ZNF577: variants seen among roughly 807,000 people sequenced by gnomAD.
ZNF577 encodes zinc finger protein 577.
ZNF577 carries 14 observed loss-of-function variants against 13.9 expected under a neutral mutation model. The observed-to-expected ratio is 1.00, with a 90% CI of 0.66 to 1.57. ZNF577 has a LOEUF of 1.57. Among genes scored for constraint, ZNF577 ranks in the 40% most tolerant of loss-of-function variants. The probability of loss-of-function intolerance (pLI) is 0.00; values close to 1 mark genes in which losing one functional copy is unlikely to be tolerated. For missense variants in ZNF577, 555 were observed against 579.2 expected, an observed-to-expected ratio of 0.96 and a Z score of 0.43; for synonymous variants, 203 against 202.9, an observed-to-expected ratio of 1.00 and a Z score of 0.00.
rs1200927170 is a variant in ZNF577, at chr19:51,870,284, T to TA, written c.*2247dup. Among the ~76,000 whole-genome samples, 1 of 152,234 alleles carries TA rather than the reference T, an allele frequency of 6.6e-6. No individual in the cohort carries two copies. Among genetic ancestry groups the TA allele is most frequent in the Non-Finnish European group, 1.5e-5 (1 of 68,030 alleles). ...TTTCCTGCTTCTTTGCACACCTGGGTAAGTTTGTATTGGATGCCAGACATG... is the reference window on the plus strand; with the variant it reads ...TTTCCTGCTTCTTTGCACACCTGGGTAAAGTTTGTATTGGATGCCAGACATG... On this transcript the variant is annotated 3_prime_UTR_variant, in exon 6 of 6. Transcript: ENST00000638348.
At chr19:51,834,056 T>C (rs1436116987) in intron 9 of ZNF577, among the ~76,000 whole-genome samples, 2 of 123,338 alleles carry the variant, frequency 1.6e-5, no homozygotes, top group African/African-American at 6.1e-5. Flanking sequence ...AAACACACAA[T>C]AGATTTTTTT....
At chr19:51,821,637 T>A (rs2084190152) in intron 9 of ZNF577, among the ~76,000 whole-genome samples, 1 of 152,096 alleles carries the variant, frequency 6.6e-6, no homozygotes, top group East Asian at 1.9e-4. Flanking sequence ...ACCATGATAC[T>A]AGGGTATGAC....
Position 51,824,380 on chromosome 19 carries a change from G to A in ZNF577, c.*600-12706C>T. 1 of 1,614,106 alleles carries A rather than the reference G, an allele frequency of 6.2e-7. No homozygotes were observed. The highest frequency in any genetic ancestry group is 8.5e-7 in the Non-Finnish European group (1 of 1,180,014). ...ATCCTCCACTTCATTATTGGCTTCA[G>A]CGTGCCTATGTCCATCATCACAGTC... On this transcript the variant is annotated intron_variant and NMD_transcript_variant, in intron 9 of 10. Coordinates refer to the ZNF577 transcript ENST00000638827. The surrounding 1 kb of genome is among the most constrained non-coding windows in gnomAD (Gnocchi z 4.7).
chr19:51,872,261 C>T lies in ZNF577; in HGVS notation c.*271G>A, dbSNP rs6509586. 23,667 of 289,506 alleles carry T rather than the reference C, an allele frequency of 0.082. 2,411 individuals are homozygous for T. The highest frequency in any genetic ancestry group is 0.27 in the African/African-American group (12,328 of 45,354). The allele number at this position is 289,506 out of a possible 1,614,324, so 17.9% of individuals were successfully genotyped here. On this transcript the variant is annotated 3_prime_UTR_variant, in exon 6 of 6. Coordinates refer to ENST00000638348, the MANE Select transcript of ZNF577 (RefSeq NM_001370449.1). ...CTTTGGCACACGAGGCACAATTTAG[C>T]GCTAAAAGCACCATCACAATCTTTC...
intron 9 of ZNF577, among the ~76,000 whole-genome samples, chr19:51,821,143 A>C (rs1339242382): frequency 6.6e-6 from 1 of 152,186 alleles, no homozygotes; most frequent in African/African-American, 2.4e-5. Context: ...GTCCAGTCTC[A>C]CTTAATCCTC....
rs2084634784 is a variant in ZNF577 at position 51,870,052 on chromosome 19, A to C, written c.*2480T>G. Among the ~76,000 whole-genome samples the C allele has an allele frequency of 6.6e-6, 1 of 152,190 alleles. No homozygotes were observed. ...TTCTGGTCCCTCCCTGGGAGGATTA[A>C]CATCCTAGGGGCATTGGGTCCAGTG... On this transcript the variant is annotated 3_prime_UTR_variant, in exon 6 of 6. Transcript: ENST00000638348.
chr19:51,822,241 T>A (rs1359031338), intron 9 of ZNF577, among the ~76,000 whole-genome samples: 2 of 152,214 alleles, frequency 1.3e-5, no homozygotes, highest in African/African-American at 4.8e-5. Context: ...CCTCCCATAG[T>A]GTTATTGCCC....
chr19:51,874,723 A>C (rs1367566098), intron 5 of ZNF577, among the ~76,000 whole-genome samples: 1 of 152,220 alleles, frequency 6.6e-6, no homozygotes, highest in Non-Finnish European at 1.5e-5. Context: ...TCCTATGGAG[A>C]ATGAATTGAA....
chr19:51,827,078 T>A (rs1358720667), intron 9 of ZNF577, among the ~76,000 whole-genome samples: 1 of 152,194 alleles, frequency 6.6e-6, no homozygotes, highest in Non-Finnish European at 1.5e-5. Context: ...TTATAGAAAC[T>A]ATAATCCTAC....
chr19:51,866,008 A>G (rs1033726525), downstream of ZNF577, among the ~76,000 whole-genome samples: 1 of 151,968 alleles, frequency 6.6e-6, no homozygotes, highest in Admixed American at 6.6e-5. Flanking sequence ...CCAGCTACTC[A>G]GAAGGCTGAG....
At position 51,876,926 on chromosome 19, in the gene ZNF577, CAA is replaced by C. The variant is rs536127907; in HGVS notation, c.283+354_283+355del. ...CCAGCCACAGTGCGAGACTCCGTCT[CAA>C]AAAAAAAAAAAAAAAGGCAACATAA... On this transcript the variant is annotated intron_variant, in intron 5 of 5. Coordinates refer to ENST00000638348, the MANE Select transcript of ZNF577 (RefSeq NM_001370449.1). Among the ~76,000 whole-genome samples the C allele has an allele frequency of 8.9e-3, 539 of 60,842 alleles. 3 individuals are homozygous for C. Among genetic ancestry groups the C allele is most frequent in the African/African-American group, 0.026 (507 of 19,382 alleles). The allele number at this position is 60,842 out of a possible 152,430, so 39.9% of individuals were successfully genotyped here.
rs532472803 is a variant in ZNF577 at position 51,827,335 on chromosome 19, T to G, written c.*599+12558A>C. ...GTTAGATTTCTCTCACTGTCAAAAT[T>G]TTTGCAAATGTGGTTTCACTTATTG... On this transcript the variant is annotated intron_variant and NMD_transcript_variant, in intron 9 of 10. Coordinates refer to the ZNF577 transcript ENST00000638827. Among the ~76,000 whole-genome samples the G allele has an allele frequency of 3.3e-5, 5 of 152,250 alleles. No homozygotes were observed. The South Asian group carries it at 1.0e-3, about 32-fold the overall frequency.
chr19:51,865,161 A>G (rs1323573636), downstream of ZNF577, among the ~76,000 whole-genome samples: 1 of 152,090 alleles, frequency 6.6e-6, no homozygotes, highest in African/African-American at 2.4e-5. Context: ...CAATGGCGCA[A>G]TCTCAGCTCA....
chr19:51,837,629 A>G lies in ZNF577; in HGVS notation c.*599+2264T>C, dbSNP rs149454563. Among the ~76,000 whole-genome samples, 998 of 152,272 alleles carry G rather than the reference A, an allele frequency of 6.6e-3. 6 individuals are homozygous for G. Among genetic ancestry groups the G allele is most frequent in the Non-Finnish European group, 9.6e-3 (651 of 68,012 alleles). ...AGACACAAAAAACTATCTCTTATAT[A>G]ATTCCATATGTGTGACGTTCTAGAT... On this transcript the variant is annotated intron_variant and NMD_transcript_variant, in intron 9 of 10. Coordinates refer to the ZNF577 transcript ENST00000638827.
chr19:51,847,419 C>G (rs10412377), intron 5 of ZNF577, among the ~76,000 whole-genome samples: 30,841 of 151,870 alleles, frequency 0.2, 3,566 homozygotes, highest in East Asian at 0.46. Flanking sequence ...CCCCAGACAC[C>G]TACTTTCAAG....
intron 10 of ZNF577, among the ~76,000 whole-genome samples, chr19:51,809,801 C>T (rs1269829048): frequency 6.6e-6 from 1 of 152,164 alleles, no homozygotes; most frequent in Non-Finnish European, 1.5e-5. Flanking sequence ...GAGATCTAAT[C>T]CTGCACTCCT....
intron 3 of ZNF577, 41 bp from the exon 4 acceptor site, chr19:51,878,556 T>C (rs2084806144): frequency 6.2e-7 from 1 of 1,610,430 alleles, no homozygotes. Flanking sequence ...TGGATAACAA[T>C]AGATGATGCG....
chr19:51,873,053 G>A lies in ZNF577; in HGVS notation c.937C>T (p.Leu313=), dbSNP rs114434752. The A allele has an allele frequency of 1.3e-3, 2,137 of 1,614,164 alleles. 23 individuals carry two copies. In the African/African-American group the frequency reaches 0.025, roughly 19 times the overall value. The change falls in exon 6 of 6, where the codon CTG becomes TTG. Residue 313 remains leucine (L), a synonymous_variant. Coordinates refer to ENST00000638348, the MANE Select transcript of ZNF577 (RefSeq NM_001370449.1). ...GTATGAATCCTCTGATGTCTGGTCA[G>A]GTCTGACTTAAAATAGAAGGTTCTT... The part of the protein sequence containing the change: ...CGRTFYFKSD[L]TRHQRIHTGE...
chr19:51,841,747 C>T (rs894430442), intron 8 of ZNF577, among the ~76,000 whole-genome samples: 4 of 152,150 alleles, frequency 2.6e-5, no homozygotes, highest in Non-Finnish European at 5.9e-5. Context: ...GGTGAAACCT[C>T]ATCTGTACTA....
Sources: gnomAD v4.1 joint callset for allele counts (sites outside exome capture counted in the v4.1 genomes callset) on GRCh38, gnomAD v4.1.1 for gene constraint, Gnocchi (gnomAD v3.1) non-coding constraint, MANE v1.5 for transcripts, NCBI Gene and HGNC (gene_info 2026-07-23, HGNC 2026-07-21) for gene names.